The following AK9 variants were observed in gnomAD, a reference collection of about 807,000 sequenced individuals.
AK9 encodes adenylate kinase 9.
AK9 carries 191 observed loss-of-function variants against 239.6 expected under a neutral mutation model. That is an observed-to-expected ratio of 0.80 (90% confidence interval 0.71 to 0.90). The LOEUF is 0.90. AK9 is among the 40% of genes least tolerant of loss of function. AK9 has a pLI of 0.00. For synonymous variants in AK9, 689 were observed against 721.0 expected (o/e 0.96, Z 0.71); for missense variants, 1,995 against 2,214.7 (o/e 0.90, Z 1.99).
At chr6:109,674,860 A>C (rs911997718) in intron 2 of AK9, among the ~76,000 whole-genome samples, 3 of 152,214 alleles carry the variant, frequency 2.0e-5, no homozygotes, top group East Asian at 1.9e-4. Flanking sequence ...CATGTAAAGT[A>C]AGTCAAGGAT....
rs937244854 is a variant in AK9, at chr6:109,519,353, G to A, written c.3634-2711C>T. Among the ~76,000 whole-genome samples, 12 of 152,240 alleles carry A rather than the reference G, an allele frequency of 7.9e-5. No homozygotes were observed. In the East Asian group the frequency reaches 1.7e-3, roughly 22 times the overall value. On this transcript the variant is annotated intron_variant, in intron 29 of 40. Transcript: ENST00000424296. ...TACCCAGTAATGGGATTGTTGGGTC[G>A]AATGGTATTTCTGTTTTGAGTTATC...
At chr6:109,516,388 A>T (rs1255835011) in intron 30 of AK9, 42 bp downstream of exon 30, 2 of 1,496,006 alleles carry the variant, frequency 1.3e-6, no homozygotes, top group Non-Finnish European at 1.8e-6. Context: ...TGATTCTCAA[A>T]TATTACTTTT....
chr6:109,687,661 T>C (rs1259051911), intron 1 of AK9, among the ~76,000 whole-genome samples: 1 of 152,120 alleles, frequency 6.6e-6, no homozygotes, highest in Non-Finnish European at 1.5e-5. Flanking sequence ...TGGGAGTGGA[T>C]TCTTCCCTAG....
chr6:109,683,894 A>C (rs1456521190), intron 1 of AK9, among the ~76,000 whole-genome samples: 1 of 152,214 alleles, frequency 6.6e-6, no homozygotes, highest in African/African-American at 2.4e-5. Flanking sequence ...ATTGGGAAAA[A>C]CTACTTTAAA....
rs553478228 is a variant in AK9, at chr6:109,556,967, T to C, written c.2751+6630A>G. 2.6e-5 allele frequency among the ~76,000 whole-genome samples: 4 copies of C among 152,204 alleles called. No individual in the cohort carries two copies. The South Asian group carries it at 8.3e-4, about 32-fold the overall frequency. On this transcript the variant is annotated intron_variant, in intron 24 of 40. Transcript: ENST00000424296. The stretch of plus-strand genomic sequence containing the variant: ...CATCTTAATTTTTTATTACCTATCT[T>C]CTGAATCCTACCTCTGTCAGTTCAT...
intron 29 of AK9, among the ~76,000 whole-genome samples, chr6:109,523,682 C>T (rs953112703): frequency 1.1e-4 from 17 of 152,088 alleles, no homozygotes; most frequent in African/African-American, 4.1e-4. Context: ...GAGAAAGGAG[C>T]CAAAACCAGG....
At chr6:109,681,690 T>C (rs1772664436) in intron 1 of AK9, among the ~76,000 whole-genome samples, 1 of 152,170 alleles carries the variant, frequency 6.6e-6, no homozygotes, top group Non-Finnish European at 1.5e-5. Context: ...GACCACATAA[T>C]TGGAAGTAAA....
In AK9 at chr6:109,612,073, T is replaced by G; in HGVS notation, c.1630A>C (p.Thr544Pro). The change falls in exon 16 of 41, where the codon ACA becomes CCA. Residue 544 changes from threonine to proline, a missense_variant. By Grantham distance (38) the Thr-to-Pro change is conservative. Coordinates refer to ENST00000424296, the MANE Select transcript of AK9 (RefSeq NM_001145128.3). ...TGAGAATGCCTTTTAAATGTGAATG[T>G]TTCACCAGTTTCTTTTCCATCTGTG... Reference protein sequence around the residue: ...DKDDGKETGETFTFKRHSQDA... With the variant: ...DKDDGKETGEPFTFKRHSQDA... 6.5e-7 allele frequency: 1 copy of G among 1,540,046 alleles called. No homozygotes were observed. Among genetic ancestry groups the G allele is most frequent in the Non-Finnish European group, 8.8e-7 (1 of 1,141,936 alleles).
At chr6:109,613,021 G>T (rs902376013) in intron 15 of AK9, among the ~76,000 whole-genome samples, 3 of 148,300 alleles carry the variant, frequency 2.0e-5, no homozygotes, top group African/African-American at 7.4e-5. Context: ...ATTATAAATT[G>T]AACGTTTATA....
chr6:109,632,856 G>GAC, intron 12 of AK9, 67 bp downstream of exon 12: 1 of 1,243,600 alleles, frequency 8.0e-7, no homozygotes, highest in Non-Finnish European at 1.1e-6. Context: ...ATACATGACA[G>GAC]ATAGACATAG....
chr6:109,609,637 TGAG>T (rs1793331501), intron 17 of AK9, among the ~76,000 whole-genome samples: 1 of 152,194 alleles, frequency 6.6e-6, no homozygotes, highest in Admixed American at 6.5e-5. Context: ...GCTGGGGACT[TGAG>T]GAAACCACCC....
At chr6:109,616,454 T>C (rs1488231563) in intron 13 of AK9, among the ~76,000 whole-genome samples, 1 of 152,020 alleles carries the variant, frequency 6.6e-6, no homozygotes, top group African/African-American at 2.4e-5. Context: ...CATAGCTTAC[T>C]GCAGCCTCAA....
chr6:109,640,004 C>T (rs1320744056), intron 10 of AK9, among the ~76,000 whole-genome samples: 3 of 152,144 alleles, frequency 2.0e-5, no homozygotes, highest in Non-Finnish European at 4.4e-5. Context: ...ATCCATTGAT[C>T]TTATCTCTGT....
At chr6:109,612,132 T>TA (rs750923451) in intron 15 of AK9, 39 bp from the exon 16 acceptor site, 24 of 1,345,172 alleles carry the variant, frequency 1.8e-5, no homozygotes, top group Admixed American at 5.3e-5. Context: ...AGAACGGTAT[T>TA]AAAAAAAATG....
intron 5 of AK9, among the ~76,000 whole-genome samples, chr6:109,671,165 T>C (rs2128335003): frequency 6.6e-6 from 1 of 152,328 alleles, no homozygotes; most frequent in African/African-American, 2.4e-5. Flanking sequence ...TTATGGTTTT[T>C]ACTTTCCTGT....
intron 29 of AK9, among the ~76,000 whole-genome samples, chr6:109,523,104 C>G (rs1447064497): frequency 4.6e-5 from 7 of 152,122 alleles, no homozygotes; most frequent in Non-Finnish European, 1.5e-5. Context: ...AAATTATATA[C>G]AAATAATGAG....
At chr6:109,629,695 C>T (rs995543514) in intron 12 of AK9, among the ~76,000 whole-genome samples, 18 of 151,592 alleles carry the variant, frequency 1.2e-4, no homozygotes, top group Non-Finnish European at 2.5e-4. Flanking sequence ...TGCAGCGGCG[C>T]GATCTCGGCT....
intron 1 of AK9, among the ~76,000 whole-genome samples, chr6:109,680,747 A>G (rs986385810): frequency 6.6e-6 from 1 of 152,244 alleles, no homozygotes; most frequent in Non-Finnish European, 1.5e-5. Context: ...TCAGACTAAC[A>G]GTGGATCTCT....
intron 6 of AK9, among the ~76,000 whole-genome samples, chr6:109,661,130 G>A (rs1800362955): frequency 6.6e-6 from 1 of 152,184 alleles, no homozygotes; most frequent in African/African-American, 2.4e-5. Flanking sequence ...CAAAAAATGT[G>A]TGTTGCACTG....
Sources: allele counts gnomAD v4.1 joint callset (sites outside exome capture counted in the v4.1 genomes callset), GRCh38; gene constraint gnomAD v4.1.1; transcripts MANE v1.5; gene names NCBI Gene and HGNC (gene_info 2026-07-23, HGNC 2026-07-21).